SNX8: variants seen among roughly 807,000 people sequenced by gnomAD.
SNX8 encodes sorting nexin-8.
SNX8 carries 25 observed loss-of-function variants against 51.6 expected under a neutral mutation model. The ratio of observed to expected loss-of-function variants is 0.48; its 90% CI spans 0.35 to 0.68. The LOEUF is 0.68. SNX8 is among the 30% of genes least tolerant of loss of function. The probability of loss-of-function intolerance (pLI) is 0.00; values close to 1 mark genes in which losing one functional copy is unlikely to be tolerated. For missense variants in SNX8, 695 were observed against 624.0 expected (o/e 1.11, Z -1.21); for synonymous variants, 324 against 277.0 (o/e 1.17, Z -1.68).
chr7:2,317,251 CTT>C (rs780593342), upstream of SNX8, among the ~76,000 whole-genome samples: 27 of 43,108 alleles, frequency 6.3e-4, no homozygotes, highest in South Asian at 9.6e-4. Context: ...CCTGGACCTT[CTT>C]TTTTTTTTTT....
At chr7:2,300,768 G>A (rs1296041879) in intron 1 of SNX8, among the ~76,000 whole-genome samples, 14 of 151,956 alleles carry the variant, frequency 9.2e-5, no homozygotes, top group Non-Finnish European at 1.5e-4. Flanking sequence ...TCAGCCTCCC[G>A]AGTAGCTAGG....
chr7:2,329,249 C>G (rs1184902357), intron 1 of SNX8, among the ~76,000 whole-genome samples: 1 of 150,024 alleles, frequency 6.7e-6, no homozygotes, highest in Non-Finnish European at 1.5e-5. Context: ...CCAGCCTGGA[C>G]CAGAGCAAGA....
intron 1 of SNX8, among the ~76,000 whole-genome samples, chr7:2,310,209 G>A (rs559085857): frequency 1.1e-4 from 16 of 152,080 alleles, no homozygotes; most frequent in African/African-American, 3.6e-4. Context: ...TGCCGTTCTC[G>A]CTGGATGTCA....
rs1000186507 is a variant in SNX8, at chr7:2,264,292, A to G, written c.782+6T>C. The G allele has an allele frequency of 6.2e-7, 1 of 1,604,594 alleles. No individual in the cohort carries two copies. The highest frequency in any genetic ancestry group is 1.1e-5 in the South Asian group (1 of 90,940). On this transcript the variant is annotated splice_donor_region_variant and intron_variant, in intron 6 of 10. Coordinates refer to ENST00000222990, the MANE Select transcript of SNX8 (RefSeq NM_013321.4). ...GTGCCCCTGCAGAAGCTGAAAGGTC[A>G]CCTACCTTAGCTCCTTCCCGAATAT...
chr7:2,302,739 C>T lies in SNX8; in HGVS notation c.94+11589G>A, dbSNP rs537215389. Reference sequence around the variant, plus strand: ...CGCCCATCGTCTGAGATGTGGGGAGCGCCTCTGCCCCACCGCCCCGTCTGG... The same window carrying T: ...CGCCCATCGTCTGAGATGTGGGGAGTGCCTCTGCCCCACCGCCCCGTCTGG... On this transcript the variant is annotated intron_variant, in intron 1 of 10. Coordinates refer to ENST00000222990, the MANE Select transcript of SNX8 (RefSeq NM_013321.4). 6.4e-4 allele frequency among the ~76,000 whole-genome samples: 97 copies of T among 151,208 alleles called. 3 individuals carry two copies. The South Asian group carries it at 0.016, about 26-fold the overall frequency.
chr7:2,277,095 G>A (rs887787329), intron 2 of SNX8, among the ~76,000 whole-genome samples: 52 of 152,196 alleles, frequency 3.4e-4, no homozygotes, highest in African/African-American at 1.2e-3. Flanking sequence ...CTGTCTGTGC[G>A]AATCCCACAA....
rs993020794 is a variant in SNX8, at chr7:2,254,071, C to G, written c.*985G>C. ...GGAGAATGGCCTTCTTCATCCAGAG[C>G]AGGGAAGGGGCCTGAAAGACCACTG... On this transcript the variant is annotated 3_prime_UTR_variant, in exon 11 of 11. Coordinates refer to ENST00000222990, the MANE Select transcript of SNX8 (RefSeq NM_013321.4). The G allele has an allele frequency of 6.6e-6, 1 of 152,422 alleles. No individual in the cohort carries two copies. The highest frequency in any genetic ancestry group is 1.5e-5 in the Non-Finnish European group (1 of 68,236). 9.4% of individuals were successfully genotyped at this position (152,422 alleles called of 1,614,324 possible).
chr7:2,321,792 C>T (rs993656991), intron 1 of SNX8, among the ~76,000 whole-genome samples: 20 of 141,460 alleles, frequency 1.4e-4, no homozygotes, highest in African/African-American at 5.3e-4. Flanking sequence ...TCTCGGATCT[C>T]GGCTCACTGC....
At chr7:2,345,603 A>G (rs1779006360) in intron 1 of SNX8, among the ~76,000 whole-genome samples, 1 of 151,592 alleles carries the variant, frequency 6.6e-6, no homozygotes, top group African/African-American at 2.4e-5. Context: ...ACTTGAACCC[A>G]GGAGGTGGAG....
At chr7:2,300,171 C>CA (rs1796360196) in intron 1 of SNX8, among the ~76,000 whole-genome samples, 1 of 152,186 alleles carries the variant, frequency 6.6e-6, no homozygotes, top group African/African-American at 2.4e-5. Context: ...GCACAGAAGG[C>CA]TGGACTCTCA....
intron 1 of SNX8, among the ~76,000 whole-genome samples, chr7:2,334,357 C>T (rs1162448962): frequency 1.3e-5 from 2 of 151,358 alleles, no homozygotes; most frequent in African/African-American, 4.9e-5. Flanking sequence ...GAGCTGAGAT[C>T]GCACCACTGG....
chr7:2,341,037 A>G (rs1778914474), intron 1 of SNX8, among the ~76,000 whole-genome samples: 1 of 151,500 alleles, frequency 6.6e-6, no homozygotes, highest in Non-Finnish European at 1.5e-5. Flanking sequence ...TTAGCCAGGC[A>G]TGGTGGCATG....
At chr7:2,277,505 G>A (rs1227689098) in intron 2 of SNX8, among the ~76,000 whole-genome samples, 7 of 152,234 alleles carry the variant, frequency 4.6e-5, no homozygotes, top group Admixed American at 3.9e-4. Flanking sequence ...AGATTCCTAA[G>A]AAACAGGCCT....
chr7:2,277,985 G>A (rs1795820690), intron 2 of SNX8, 115 bp downstream of exon 2: 1 of 1,463,372 alleles, frequency 6.8e-7, no homozygotes, highest in African/African-American at 1.4e-5. Flanking sequence ...CTGTAAGCCA[G>A]CCACACAGAC....
intron 8 of SNX8, 76 bp downstream of exon 8, chr7:2,257,659 A>G (rs1448391902): frequency 8.3e-6 from 13 of 1,573,990 alleles, no homozygotes; most frequent in Non-Finnish European, 1.1e-5. Flanking sequence ...TCCGTCCCCC[A>G]GGAGTTAGAC....
At chr7:2,349,534 C>T (rs1562466451) in intron 1 of SNX8, among the ~76,000 whole-genome samples, 1 of 148,748 alleles carries the variant, frequency 6.7e-6, no homozygotes, top group Non-Finnish European at 1.5e-5. Flanking sequence ...TCTACCCCCA[C>T]CCCATGTTCA....
At chr7:2,263,567 C>T (rs572665041) in intron 6 of SNX8, among the ~76,000 whole-genome samples, 3 of 152,310 alleles carry the variant, frequency 2.0e-5, no homozygotes, top group Non-Finnish European at 2.9e-5. Flanking sequence ...GGACCTGCTG[C>T]GTCTCTTCTT....
intron 1 of SNX8, among the ~76,000 whole-genome samples, chr7:2,289,548 A>G (rs1025730926): frequency 3.9e-5 from 6 of 151,938 alleles, no homozygotes; most frequent in African/African-American, 1.2e-4. Flanking sequence ...TTCCATCTAG[A>G]TGCTTTTCCC....
At chr7:2,290,110 T>A (rs1440041557) in intron 1 of SNX8, among the ~76,000 whole-genome samples, 3 of 152,116 alleles carry the variant, frequency 2.0e-5, no homozygotes, top group African/African-American at 7.2e-5. Flanking sequence ...GGAAAATCGC[T>A]TGAACCTGGG....
Sources: gnomAD v4.1 joint callset for allele counts (sites outside exome capture counted in the v4.1 genomes callset) on GRCh38, gnomAD v4.1.1 for gene constraint, MANE v1.5 for transcripts, NCBI Gene and HGNC (gene_info 2026-07-23, HGNC 2026-07-21) for gene names.